ARHGEF12: variants seen among roughly 807,000 people sequenced by gnomAD.
ARHGEF12 encodes KMT2A/ARHGEF12 fusion protein.
In ARHGEF12, 66 loss-of-function variants were observed where a neutral mutation model predicts 211.2. The ratio of observed to expected loss-of-function variants is 0.31; its 90% CI spans 0.26 to 0.38. The LOEUF (loss-of-function observed/expected upper bound fraction) is 0.38, where lower values mean the gene tolerates loss of function less well. Ranked by LOEUF, ARHGEF12 falls within the 10% of genes least tolerant of loss-of-function variation. ARHGEF12 has a pLI of 1.00. For synonymous variants in ARHGEF12, 592 were observed against 638.4 expected (o/e 0.93, Z 1.09); for missense variants, 1,429 against 1,869.5 (o/e 0.76, Z 4.34).
chr11:120,390,461 C>G (rs1944177870), intron 1 of ARHGEF12, among the ~76,000 whole-genome samples: 1 of 152,180 alleles, frequency 6.6e-6, no homozygotes, highest in African/African-American at 2.4e-5. Flanking sequence ...CAGGTGGAGA[C>G]ATGTTTCTCT....
chr11:120,359,956 G>A (rs1157066560), intron 1 of ARHGEF12, among the ~76,000 whole-genome samples: 1 of 152,180 alleles, frequency 6.6e-6, no homozygotes, highest in South Asian at 2.1e-4. Context: ...ACCTGTGTGG[G>A]GAACCAGAGA....
intron 1 of ARHGEF12, among the ~76,000 whole-genome samples, chr11:120,338,736 A>G (rs1565410503): frequency 1.3e-5 from 2 of 151,976 alleles, no homozygotes; most frequent in African/African-American, 2.4e-5. Flanking sequence ...CCTGTAAACA[A>G]AAGTCTTGCT....
chr11:120,400,459 T>C (rs1257236512), intron 1 of ARHGEF12, among the ~76,000 whole-genome samples: 2 of 152,208 alleles, frequency 1.3e-5, no homozygotes. Context: ...TTTGAGGATC[T>C]CATACTTTCC....
intron 16 of ARHGEF12, 92 bp from the exon 17 acceptor site, chr11:120,446,311 A>T (rs1283952436): frequency 4.7e-6 from 4 of 844,506 alleles, no homozygotes; most frequent in Non-Finnish European, 1.7e-6. Context: ...GCATATTCTA[A>T]GTTAATTTGT....
At chr11:120,355,293 G>A (rs1358184226) in intron 1 of ARHGEF12, among the ~76,000 whole-genome samples, 1 of 152,040 alleles carries the variant, frequency 6.6e-6, no homozygotes, top group Non-Finnish European at 1.5e-5. Flanking sequence ...GCTTTTATAT[G>A]TTTATTTGTA....
intron 13 of ARHGEF12, among the ~76,000 whole-genome samples, chr11:120,440,617 T>C (rs1053417694): frequency 3.9e-5 from 6 of 152,212 alleles, no homozygotes; most frequent in African/African-American, 1.4e-4. Flanking sequence ...ATAAGTCTTT[T>C]GGAGTTTTCT....
At chr11:120,347,206 C>G (rs1450276013) in intron 1 of ARHGEF12, among the ~76,000 whole-genome samples, 1 of 89,912 alleles carries the variant, frequency 1.1e-5, no homozygotes, top group Non-Finnish European at 2.5e-5. Context: ...CTTTCTTTCT[C>G]TTTCTTTTTC....
At chr11:120,416,924 A>G (rs1039827627) in intron 4 of ARHGEF12, among the ~76,000 whole-genome samples, 4 of 152,190 alleles carry the variant, frequency 2.6e-5, no homozygotes, top group African/African-American at 7.2e-5. Flanking sequence ...GCGCCCAGCC[A>G]GAATTGATTC....
At chr11:120,392,636 C>T (rs992164015) in intron 1 of ARHGEF12, among the ~76,000 whole-genome samples, 1 of 152,128 alleles carries the variant, frequency 6.6e-6, no homozygotes, top group Non-Finnish European at 1.5e-5. Context: ...GATTTAGGGA[C>T]GTAACTATGT....
chr11:120,351,449 A>T lies in ARHGEF12; in HGVS notation c.32+14174A>T, dbSNP rs1472325647. 8.8e-3 allele frequency among the ~76,000 whole-genome samples: 30 copies of T among 3,414 alleles called. 3 individuals are homozygous for T. In the South Asian group the frequency reaches 0.17, roughly 20 times the overall value. The allele number at this position is 3,414 out of a possible 152,430, so 2.2% of individuals were successfully genotyped here. ...TATATATATATATATATATATATAT[A>T]TATATATTTTTTTTTTTTTTTTTTT... On this transcript the variant is annotated intron_variant, in intron 1 of 40. Coordinates refer to ENST00000397843, the MANE Select transcript of ARHGEF12 (RefSeq NM_015313.3).
chr11:120,351,364 A>AAAAAAG (rs1942937045), intron 1 of ARHGEF12, among the ~76,000 whole-genome samples: 2 of 122,088 alleles, frequency 1.6e-5, no homozygotes, highest in African/African-American at 5.8e-5. Context: ...AAAAAAAAAA[A>AAAAAAG]GGTGAAATTT....
At chr11:120,376,125 T>C (rs959625339) in intron 1 of ARHGEF12, among the ~76,000 whole-genome samples, 7 of 152,210 alleles carry the variant, frequency 4.6e-5, no homozygotes, top group Non-Finnish European at 1.0e-4. Flanking sequence ...AATGTTCTGG[T>C]AGGCATATCC....
intron 4 of ARHGEF12, among the ~76,000 whole-genome samples, chr11:120,413,089 C>G (rs889106253): frequency 6.6e-6 from 1 of 152,190 alleles, no homozygotes; most frequent in African/African-American, 2.4e-5. Flanking sequence ...TTTGGTCATT[C>G]ACTTGCTAAG....
chr11:120,470,600 C>T (rs937359515), intron 30 of ARHGEF12, among the ~76,000 whole-genome samples: 9 of 152,146 alleles, frequency 5.9e-5, no homozygotes, highest in African/African-American at 9.7e-5. Flanking sequence ...TGATTGAATC[C>T]GTGAACACGG....
intron 1 of ARHGEF12, among the ~76,000 whole-genome samples, chr11:120,353,773 G>GC (rs1390074471): frequency 6.6e-6 from 1 of 152,178 alleles, no homozygotes; most frequent in Non-Finnish European, 1.5e-5. Flanking sequence ...GTCCCAGACT[G>GC]CCCACACTGG....
chr11:120,339,007 T>TTC (rs1253673211), intron 1 of ARHGEF12, among the ~76,000 whole-genome samples: 1 of 145,800 alleles, frequency 6.9e-6, no homozygotes, highest in African/African-American at 2.5e-5. Flanking sequence ...TTCTTTTTCT[T>TTC]TTTTTTTTTT....
intron 1 of ARHGEF12, among the ~76,000 whole-genome samples, chr11:120,371,869 G>A (rs910902559): frequency 6.6e-6 from 1 of 152,104 alleles, no homozygotes; most frequent in African/African-American, 2.4e-5. Context: ...AGACAATATT[G>A]GGAACAATAT....
intron 1 of ARHGEF12, among the ~76,000 whole-genome samples, chr11:120,390,530 C>T (rs1254981168): frequency 6.6e-6 from 1 of 152,176 alleles, no homozygotes; most frequent in Non-Finnish European, 1.5e-5. Flanking sequence ...GAATTATCCA[C>T]TGAGCTCTGG....
chr11:120,347,183 C>G (rs7117038), intron 1 of ARHGEF12, among the ~76,000 whole-genome samples: 2 of 100,224 alleles, frequency 2.0e-5, no homozygotes, highest in African/African-American at 7.2e-5. Context: ...TTCCTTCCTT[C>G]CTTTCTTTCT....
Sources: gnomAD v4.1 joint callset for allele counts (sites outside exome capture counted in the v4.1 genomes callset) on GRCh38, gnomAD v4.1.1 for gene constraint, MANE v1.5 for transcripts, NCBI Gene and HGNC (gene_info 2026-07-23, HGNC 2026-07-21) for gene names.